STXBP5L: variants seen among roughly 807,000 people sequenced by gnomAD.
STXBP5L encodes the protein syntaxin-binding protein 5-like.
STXBP5L carries 65 observed loss-of-function variants against 144.5 expected under a neutral mutation model. The observed-to-expected ratio is 0.45, with a 90% CI of 0.37 to 0.55. The LOEUF is 0.55. Ranked by LOEUF, STXBP5L falls within the 20% of genes least tolerant of loss-of-function variation. The pLI is 0.00. For synonymous variants in STXBP5L, 505 were observed against 469.6 expected, an observed-to-expected ratio of 1.08 and a Z score of -0.97; for missense variants, 1,298 against 1,405.5, an observed-to-expected ratio of 0.92 and a Z score of 1.22.
At chr3:120,985,164 G>T (rs969081632) in intron 3 of STXBP5L, among the ~76,000 whole-genome samples, 1 of 151,870 alleles carries the variant, frequency 6.6e-6, no homozygotes, top group East Asian at 1.9e-4. Context: ...TTAGGGTACT[G>T]TTGGCCTTAC....
intron 18 of STXBP5L, among the ~76,000 whole-genome samples, chr3:121,279,362 C>T (rs1381125802): frequency 1.3e-5 from 2 of 151,804 alleles, no homozygotes; most frequent in African/African-American, 2.4e-5. Context: ...TTATTTTTCT[C>T]TCTTTCAGAA....
chr3:121,145,267 A>C (rs949513047), intron 7 of STXBP5L, among the ~76,000 whole-genome samples: 1 of 151,876 alleles, frequency 6.6e-6, no homozygotes, highest in Non-Finnish European at 1.5e-5. Flanking sequence ...AATTATGACT[A>C]GTGGTGTTTT....
At chr3:121,221,615 G>A (rs1023516431) in intron 10 of STXBP5L, among the ~76,000 whole-genome samples, 5 of 151,036 alleles carry the variant, frequency 3.3e-5, no homozygotes, top group Non-Finnish European at 5.9e-5. Context: ...TTTAAATCTG[G>A]ATAAATCTTA....
chr3:120,938,589 C>T (rs1202984958), intron 2 of STXBP5L, among the ~76,000 whole-genome samples: 1 of 152,164 alleles, frequency 6.6e-6, no homozygotes, highest in African/African-American at 2.4e-5. Flanking sequence ...GATCTTGACT[C>T]TACACCAAGC....
In STXBP5L at chr3:121,381,539, G is replaced by T. The variant is rs1203571696; in HGVS notation, c.2587+7G>T. 4 of 1,584,836 alleles carry T rather than the reference G, an allele frequency of 2.5e-6. No homozygotes were observed. In the African/African-American group the frequency reaches 5.5e-5, roughly 22 times the overall value. ...GTCATGGTATTGCCAAGTGGTAAGA[G>T]TTTGTATTCATTCATTCCTTCACTG... On this transcript the variant is annotated splice_region_variant and intron_variant, in intron 22 of 26. Coordinates refer to ENST00000471454, the MANE Select transcript of STXBP5L (RefSeq NM_001308330.2).
intron 19 of STXBP5L, among the ~76,000 whole-genome samples, chr3:121,301,281 T>G (rs1050317028): frequency 6.6e-6 from 1 of 152,192 alleles, no homozygotes; most frequent in South Asian, 2.1e-4. Flanking sequence ...TAAGTTGGAT[T>G]CCTAGGTATT....
intron 22 of STXBP5L, among the ~76,000 whole-genome samples, chr3:121,399,044 G>A (rs1191335350): frequency 2.0e-5 from 3 of 152,084 alleles, no homozygotes; most frequent in Admixed American, 6.5e-5. Context: ...AAATAATAAT[G>A]AGGGGGTGCA....
rs2048177135 is a variant in STXBP5L at position 121,202,509 on chromosome 3, G to A, written c.878-3414G>A. On this transcript the variant is annotated intron_variant, in intron 9 of 26. Transcript: ENST00000471454. Reference sequence around the variant, plus strand: ...CCTTTACTGGTACTCTGTTCTTTGTGTAGACTTAAATTACTTGCTGGGTCA... The same window carrying A: ...CCTTTACTGGTACTCTGTTCTTTGTATAGACTTAAATTACTTGCTGGGTCA... 1.3e-5 allele frequency among the ~76,000 whole-genome samples: 2 copies of A among 152,090 alleles called. 1 individual carries two copies. The highest frequency in any genetic ancestry group is 4.1e-4 in the South Asian group (2 of 4,830).
intron 5 of STXBP5L, among the ~76,000 whole-genome samples, chr3:121,078,437 T>A (rs1332072210): frequency 6.6e-6 from 1 of 152,250 alleles, no homozygotes; most frequent in East Asian, 1.9e-4. Context: ...TTCTCCAAGT[T>A]CCCACCAGGC....
At chr3:121,292,080 T>A (rs1280834240) in intron 19 of STXBP5L, among the ~76,000 whole-genome samples, 4 of 152,076 alleles carry the variant, frequency 2.6e-5, no homozygotes, top group African/African-American at 9.7e-5. Context: ...AAAAACTTCC[T>A]CACAGCAAAA....
intron 3 of STXBP5L, among the ~76,000 whole-genome samples, chr3:121,040,138 T>C (rs1304090523): frequency 6.6e-6 from 1 of 152,104 alleles, no homozygotes; most frequent in African/African-American, 2.4e-5. Context: ...TTACAAGTTA[T>C]ATTTTTTTAC....
intron 18 of STXBP5L, among the ~76,000 whole-genome samples, chr3:121,265,549 A>G (rs906325240): frequency 2.6e-5 from 4 of 152,180 alleles, no homozygotes; most frequent in African/African-American, 4.8e-5. Flanking sequence ...CCCTAATATC[A>G]CAATAAAAAG....
At chr3:121,008,812 G>T (rs545228440) in intron 3 of STXBP5L, among the ~76,000 whole-genome samples, 1 of 151,936 alleles carries the variant, frequency 6.6e-6, no homozygotes, top group Non-Finnish European at 1.5e-5. Context: ...ATCACTTTAT[G>T]TTTCTGAGAT....
At chr3:121,346,595 A>G (rs1441423114) in intron 20 of STXBP5L, among the ~76,000 whole-genome samples, 4 of 152,142 alleles carry the variant, frequency 2.6e-5, no homozygotes, top group Non-Finnish European at 5.9e-5. Flanking sequence ...CTACTTCTCC[A>G]CATCCTCTCC....
At chr3:121,070,662 A>G (rs1431911001) in intron 5 of STXBP5L, among the ~76,000 whole-genome samples, 2 of 152,172 alleles carry the variant, frequency 1.3e-5, no homozygotes, top group African/African-American at 4.8e-5. Context: ...AAAGCCACCA[A>G]GAACAGACAT....
chr3:120,957,730 A>C (rs1482228574), intron 3 of STXBP5L, among the ~76,000 whole-genome samples: 1 of 152,198 alleles, frequency 6.6e-6, no homozygotes, highest in Non-Finnish European at 1.5e-5. Flanking sequence ...GATACAACAT[A>C]CCAGGATCTC....
intron 20 of STXBP5L, among the ~76,000 whole-genome samples, chr3:121,349,999 T>A (rs186709411): frequency 3.9e-5 from 6 of 152,252 alleles, no homozygotes; most frequent in Admixed American, 3.9e-4. Context: ...GATCCTGTCA[T>A]TGTGATGTTA....
intron 5 of STXBP5L, among the ~76,000 whole-genome samples, chr3:121,048,869 G>A (rs1021074880): frequency 2.0e-5 from 3 of 152,074 alleles, no homozygotes; most frequent in Admixed American, 1.3e-4. Flanking sequence ...CCAGTGAAGA[G>A]TAGTGGAGGC....
Position 121,334,268 on chromosome 3 carries a change from C to G in STXBP5L, c.2176+15728C>G, listed in dbSNP as rs541492444. Among the ~76,000 whole-genome samples, 75 of 152,004 alleles carry G rather than the reference C, an allele frequency of 4.9e-4. 3 individuals carry two copies. Among genetic ancestry groups the G allele is most frequent in the Non-Finnish European group, 1.5e-5 (1 of 67,986 alleles). ...AAAACTGACTAATACACCTACCAAC[C>G]AGAAAAGTCCAGGTCCAGAAGGATT... On this transcript the variant is annotated intron_variant, in intron 20 of 26. Coordinates refer to ENST00000471454, the MANE Select transcript of STXBP5L (RefSeq NM_001308330.2).
Sources: gnomAD v4.1 joint callset for allele counts (sites outside exome capture counted in the v4.1 genomes callset) on GRCh38, gnomAD v4.1.1 for gene constraint, MANE v1.5 for transcripts, NCBI Gene and HGNC (gene_info 2026-07-23, HGNC 2026-07-21) for gene names.